DLC1: variants seen among roughly 807,000 people sequenced by gnomAD.
The protein encoded by DLC1 is rho GTPase-activating protein 7.
Under a neutral mutation model 140.3 loss-of-function variants are expected in DLC1, and 54 were observed. The ratio of observed to expected loss-of-function variants is 0.38; its 90% CI spans 0.31 to 0.48. The LOEUF (loss-of-function observed/expected upper bound fraction) is 0.48, where lower values mean the gene tolerates loss of function less well. Ranked by LOEUF, DLC1 falls within the 20% of genes least tolerant of loss-of-function variation. The probability of loss-of-function intolerance (pLI) is 0.96; values close to 1 mark genes in which losing one functional copy is unlikely to be tolerated. For synonymous variants in DLC1, 986 were observed against 728.1 expected (o/e 1.35, Z -5.70); for missense variants, 2,536 against 1,907.0 (o/e 1.33, Z -6.14).
intron 8 of DLC1, 184 bp from the exon 9 acceptor site, chr8:13,100,954 T>C: frequency 8.0e-6 from 5 of 623,498 alleles, no homozygotes; most frequent in Non-Finnish European, 1.2e-5. Context: ...TTGTACAGGC[T>C]GTATTGCCCA....
chr8:13,428,536 C>T (rs1257386314), intron 2 of DLC1, among the ~76,000 whole-genome samples: 1 of 152,160 alleles, frequency 6.6e-6, no homozygotes, highest in African/African-American at 2.4e-5. Flanking sequence ...TCGAACATAT[C>T]TGAGCATAAG....
chr8:13,150,211 A>C (rs1823707360), intron 5 of DLC1, among the ~76,000 whole-genome samples: 1 of 152,238 alleles, frequency 6.6e-6, no homozygotes, highest in Non-Finnish European at 1.5e-5. Flanking sequence ...GTGGCTTCTC[A>C]CATTACATCT....
At chr8:13,554,567 C>G (rs1486786650) in intron 1 of DLC1, among the ~76,000 whole-genome samples, 1 of 152,150 alleles carries the variant, frequency 6.6e-6, no homozygotes, top group Non-Finnish European at 1.5e-5. Flanking sequence ...CTCATGGTGA[C>G]TCAATCCTTT....
chr8:13,173,278 TA>T (rs1486786045), intron 5 of DLC1, among the ~76,000 whole-genome samples: 1 of 152,118 alleles, frequency 6.6e-6, no homozygotes, highest in East Asian at 1.9e-4. Flanking sequence ...TTAAGCTTTC[TA>T]TATTTTCTTC....
chr8:13,530,475 A>C (rs893104322), intron 1 of DLC1, among the ~76,000 whole-genome samples: 10 of 152,238 alleles, frequency 6.6e-5, no homozygotes, highest in African/African-American at 2.4e-4. Context: ...CTCTGAAGAC[A>C]TATCTGTGTT....
intron 5 of DLC1, among the ~76,000 whole-genome samples, chr8:13,273,943 C>T (rs946067728): frequency 6.6e-6 from 1 of 152,148 alleles, no homozygotes; most frequent in Non-Finnish European, 1.5e-5. Flanking sequence ...ATTCTAGCTA[C>T]TATTAACAGA....
chr8:13,283,470 G>C (rs1831436877), intron 5 of DLC1, among the ~76,000 whole-genome samples: 1 of 152,174 alleles, frequency 6.6e-6, no homozygotes, highest in Non-Finnish European at 1.5e-5. Flanking sequence ...TGGGGCCACA[G>C]AATAGAGAGA....
chr8:13,115,961 G>A (rs1282786742), intron 5 of DLC1, among the ~76,000 whole-genome samples: 1 of 152,156 alleles, frequency 6.6e-6, no homozygotes, highest in Non-Finnish European at 1.5e-5. Flanking sequence ...ATGAAAATAA[G>A]GCATCATGAG....
intron 2 of DLC1, among the ~76,000 whole-genome samples, chr8:13,409,014 A>T (rs1160520316): frequency 6.7e-6 from 1 of 148,892 alleles, no homozygotes; most frequent in Non-Finnish European, 1.5e-5. Context: ...TGTACCCCTT[A>T]TTTTTTTTTT....
intron 5 of DLC1, among the ~76,000 whole-genome samples, chr8:13,295,186 C>G (rs1831899966): frequency 6.6e-6 from 1 of 152,296 alleles, no homozygotes; most frequent in Non-Finnish European, 1.5e-5. Context: ...CCCCACTTAT[C>G]TATTTCCTTA....
intron 4 of DLC1, among the ~76,000 whole-genome samples, chr8:13,371,441 G>T (rs1174401365): frequency 6.6e-6 from 1 of 152,116 alleles, no homozygotes; most frequent in Non-Finnish European, 1.5e-5. Context: ...CAGTGTAGGA[G>T]ATGCTTTTGA....
chr8:13,476,636 A>T (rs1251055997), intron 2 of DLC1, among the ~76,000 whole-genome samples: 1 of 152,210 alleles, frequency 6.6e-6, no homozygotes, highest in South Asian at 2.1e-4. Context: ...AACATGTGCC[A>T]TAAGATGTTA....
intron 4 of DLC1, among the ~76,000 whole-genome samples, chr8:13,318,497 T>G (rs1427486667): frequency 6.6e-6 from 1 of 152,226 alleles, no homozygotes; most frequent in East Asian, 1.9e-4. Context: ...CTTAGTTAAG[T>G]TCATGTTCTC....
chr8:13,576,024 G>A (rs556600311), intron 1 of DLC1, among the ~76,000 whole-genome samples: 4 of 152,248 alleles, frequency 2.6e-5, no homozygotes, highest in South Asian at 2.1e-4. Flanking sequence ...ACTGGCAATG[G>A]CCTGTAAAAG....
At chr8:13,121,270 A>G (rs751219857) in intron 5 of DLC1, among the ~76,000 whole-genome samples, 43 of 152,124 alleles carry the variant, frequency 2.8e-4, no homozygotes, top group Non-Finnish European at 4.6e-4. Context: ...TTTGATCCAA[A>G]CCAAGATGCA....
chr8:13,220,738 A>G (rs963990918), intron 5 of DLC1, among the ~76,000 whole-genome samples: 1 of 152,210 alleles, frequency 6.6e-6, no homozygotes, highest in Non-Finnish European at 1.5e-5. Flanking sequence ...AAATCCATAC[A>G]TCATTACTTT....
At chr8:13,430,391 C>T (rs1446565676) in intron 2 of DLC1, among the ~76,000 whole-genome samples, 2 of 152,132 alleles carry the variant, frequency 1.3e-5, no homozygotes, top group South Asian at 2.1e-4. Context: ...ATCATTATTT[C>T]CAATGCTGCT....
At chr8:13,133,645 G>C (rs1238424462) in intron 5 of DLC1, among the ~76,000 whole-genome samples, 2 of 148,738 alleles carry the variant, frequency 1.3e-5, no homozygotes, top group Admixed American at 1.4e-4. Flanking sequence ...GCCAACTATT[G>C]GCCCCGGGTG....
intron 5 of DLC1, among the ~76,000 whole-genome samples, chr8:13,179,865 G>C (rs947324153): frequency 6.6e-6 from 1 of 152,114 alleles, no homozygotes; most frequent in African/African-American, 2.4e-5. Flanking sequence ...CTATGCTGGG[G>C]AGATCTGGAC....
Sources: gnomAD v4.1 joint callset for allele counts (sites outside exome capture counted in the v4.1 genomes callset) on GRCh38, gnomAD v4.1.1 for gene constraint, MANE v1.5 for transcripts, NCBI Gene and HGNC (gene_info 2026-07-23, HGNC 2026-07-21) for gene names.